RALYL: variants seen among roughly 807,000 people sequenced by gnomAD.
The protein encoded by RALYL is RALY RNA binding protein like, also known as RNA-binding Raly-like protein.
RALYL carries 29 observed loss-of-function variants against 35.1 expected under a neutral mutation model. That is an observed-to-expected ratio of 0.83 (90% CI 0.61 to 1.13). The LOEUF is 1.13. RALYL is among the 50% of genes most tolerant of loss of function. The pLI is 0.00. For synonymous variants in RALYL, 120 were observed against 127.6 expected (o/e 0.94, Z 0.40); for missense variants, 359 against 360.4 (o/e 1.00, Z 0.03).
intron 4 of RALYL, among the ~76,000 whole-genome samples, chr8:84,806,759 G>A (rs1374021855): frequency 6.6e-6 from 1 of 152,066 alleles, no homozygotes; most frequent in Non-Finnish European, 1.5e-5. Flanking sequence ...AAATAAGATT[G>A]TCCAAAAGTA....
chr8:84,828,175 TA>T (rs1220256101), intron 4 of RALYL, among the ~76,000 whole-genome samples: 1 of 151,934 alleles, frequency 6.6e-6, no homozygotes, highest in African/African-American at 2.4e-5. Flanking sequence ...CAAAAATAAT[TA>T]ATTTTATGCA....
chr8:84,204,510 C>T (rs1320064392), intron 1 of RALYL, among the ~76,000 whole-genome samples: 10 of 152,162 alleles, frequency 6.6e-5, no homozygotes, highest in Admixed American at 6.6e-4. Context: ...TACCAGTATG[C>T]TTTTGCATAT....
At chr8:84,238,415 T>G (rs2131533869) in intron 1 of RALYL, among the ~76,000 whole-genome samples, 1 of 152,256 alleles carries the variant, frequency 6.6e-6, no homozygotes, top group South Asian at 2.1e-4. Flanking sequence ...ACTTTGTTCT[T>G]TATTTATATT....
At chr8:84,415,661 C>T (rs1384756466) in intron 1 of RALYL, among the ~76,000 whole-genome samples, 4 of 152,166 alleles carry the variant, frequency 2.6e-5, no homozygotes, top group Non-Finnish European at 4.4e-5. Flanking sequence ...GCCTTATGCA[C>T]AGATAACATC....
At chr8:84,488,669 A>G (rs1413032844) in intron 1 of RALYL, among the ~76,000 whole-genome samples, 1 of 151,952 alleles carries the variant, frequency 6.6e-6, no homozygotes, top group Non-Finnish European at 1.5e-5. Context: ...CCCATTTCCC[A>G]TTCATAGAAT....
At chr8:84,586,254 A>G (rs1811985847) in intron 2 of RALYL, among the ~76,000 whole-genome samples, 1 of 152,160 alleles carries the variant, frequency 6.6e-6, no homozygotes, top group Non-Finnish European at 1.5e-5. Flanking sequence ...TGATTTCAGA[A>G]AGGCACTGTC....
chr8:84,671,401 C>T (rs1833205973), intron 2 of RALYL, among the ~76,000 whole-genome samples: 1 of 152,144 alleles, frequency 6.6e-6, no homozygotes, highest in Admixed American at 6.6e-5. Context: ...AGGCAGTGCC[C>T]CAGTGGGGAC....
At chr8:84,653,791 A>G (rs1305772514) in intron 2 of RALYL, among the ~76,000 whole-genome samples, 1 of 151,968 alleles carries the variant, frequency 6.6e-6, no homozygotes, top group East Asian at 1.9e-4. Context: ...TCCATAAAAT[A>G]AGGTGTGTTA....
At chr8:84,554,928 G>A (rs549678577) in intron 2 of RALYL, among the ~76,000 whole-genome samples, 1 of 152,176 alleles carries the variant, frequency 6.6e-6, no homozygotes, top group Admixed American at 6.5e-5. Flanking sequence ...GAATTTTCAA[G>A]GATAATTTTG....
intron 1 of RALYL, among the ~76,000 whole-genome samples, chr8:84,211,357 A>G (rs1819447040): frequency 1.3e-5 from 2 of 152,106 alleles, no homozygotes; most frequent in Admixed American, 1.3e-4. Flanking sequence ...CACAACTACT[A>G]GCTTTCCACT....
intron 1 of RALYL, among the ~76,000 whole-genome samples, chr8:84,196,653 A>G (rs143866124): frequency 6.6e-6 from 1 of 152,196 alleles, no homozygotes; most frequent in Non-Finnish European, 1.5e-5. Flanking sequence ...CAGTGCAAAT[A>G]TAGAGTGTTC....
intron 8 of RALYL, among the ~76,000 whole-genome samples, chr8:84,903,340 G>C (rs1845990921): frequency 6.6e-6 from 1 of 152,100 alleles, no homozygotes; most frequent in Non-Finnish European, 1.5e-5. Context: ...TTAAAGAGAA[G>C]GGTTTGTCAT....
At chr8:84,735,602 T>G (rs1188132562) in intron 2 of RALYL, among the ~76,000 whole-genome samples, 1 of 152,000 alleles carries the variant, frequency 6.6e-6, no homozygotes, top group Non-Finnish European at 1.5e-5. Flanking sequence ...TTTCCTTTCT[T>G]AGGCTGGTCT....
At chr8:84,642,956 A>G (rs1826701897) in intron 2 of RALYL, among the ~76,000 whole-genome samples, 1 of 152,026 alleles carries the variant, frequency 6.6e-6, no homozygotes, top group Non-Finnish European at 1.5e-5. Flanking sequence ...AGTTAAGGTG[A>G]ACTATTTCCA....
chr8:84,198,775 G>A (rs951641821), intron 1 of RALYL, among the ~76,000 whole-genome samples: 24 of 152,194 alleles, frequency 1.6e-4, no homozygotes, highest in Admixed American at 1.0e-3. Context: ...ATCTTACTTC[G>A]TTTAACATAA....
chr8:84,432,574 T>A lies in RALYL; in HGVS notation c.-23-96725T>A, dbSNP rs143394304. Among the ~76,000 whole-genome samples the A allele has an allele frequency of 1.8e-4, 27 of 152,240 alleles. No homozygotes were observed. In the East Asian group the frequency reaches 4.2e-3, roughly 24 times the overall value. On this transcript the variant is annotated intron_variant, in intron 1 of 8. Transcript: ENST00000521268. ...TTGAATTGTGTCCCCCAGAATGATA[T>A]GTTGCAGCACTAACCCTGGTACCTC... is the stretch of plus-strand genomic sequence containing the variant.
intron 2 of RALYL, among the ~76,000 whole-genome samples, chr8:84,566,270 G>A (rs940466542): frequency 1.3e-5 from 2 of 151,148 alleles, no homozygotes; most frequent in East Asian, 1.9e-4. Context: ...TTCTATACTG[G>A]AACAAAAAAA....
intron 8 of RALYL, among the ~76,000 whole-genome samples, chr8:84,901,554 C>T (rs985079179): frequency 2.0e-5 from 3 of 152,218 alleles, no homozygotes; most frequent in Non-Finnish European, 2.9e-5. Flanking sequence ...CCATGAGATC[C>T]GCAAGCATCT....
At chr8:84,718,555 G>C (rs1330680570) in intron 2 of RALYL, among the ~76,000 whole-genome samples, 1 of 152,006 alleles carries the variant, frequency 6.6e-6, no homozygotes, top group Admixed American at 6.6e-5. Flanking sequence ...CCTGAGGTCA[G>C]GAGTCCAAAA....
Sources: allele counts gnomAD v4.1 joint callset (sites outside exome capture counted in the v4.1 genomes callset), GRCh38; gene constraint gnomAD v4.1.1; transcripts MANE v1.5; gene names NCBI Gene and HGNC (gene_info 2026-07-23, HGNC 2026-07-21).